Variants in EBF4 observed in about 807,000 individuals in gnomAD.
EBF4 encodes EBF transcription factor 4, also known as transcription factor COE4.
Under a neutral mutation model 67.1 loss-of-function variants are expected in EBF4, and 34 were observed. That is an observed-to-expected ratio of 0.51 (90% CI 0.39 to 0.67). The LOEUF (loss-of-function observed/expected upper bound fraction) is 0.67. Ranked by LOEUF, EBF4 falls within the 30% of genes least tolerant of loss-of-function variation. The pLI is 0.00. For synonymous variants in EBF4, 387 were observed against 377.7 expected (o/e 1.02, Z -0.29); for missense variants, 837 against 873.3 (o/e 0.96, Z 0.52).
chr20:2,711,105 G>C (rs1432045555), intron 6 of EBF4, among the ~76,000 whole-genome samples: 1 of 151,582 alleles, frequency 6.6e-6, no homozygotes, highest in African/African-American at 2.4e-5. Flanking sequence ...CTGTGATTGT[G>C]CCACTGCACT....
At chr20:2,740,757 G>T (rs539383647) in intron 6 of EBF4, among the ~76,000 whole-genome samples, 203 of 152,270 alleles carry the variant, frequency 1.3e-3, no homozygotes, top group African/African-American at 4.5e-3. Flanking sequence ...TAACAAGGAG[G>T]TGGTCTCGGT....
At chr20:2,706,116 C>T (rs1236268458) in intron 3 of EBF4, 79 bp downstream of exon 3, 2 of 1,548,208 alleles carry the variant, frequency 1.3e-6, no homozygotes, top group Non-Finnish European at 8.7e-7. Flanking sequence ...CTAATGCCCC[C>T]TGTGCCAGGG....
chr20:2,706,101 G>A (rs1341088803), intron 3 of EBF4, 64 bp downstream of exon 3: 9 of 1,547,722 alleles, frequency 5.8e-6, no homozygotes, highest in South Asian at 2.4e-5. Context: ...AGCATCATGC[G>A]ACACCTAATG....
At chr20:2,720,425 T>G (rs1027007349) in intron 6 of EBF4, among the ~76,000 whole-genome samples, 33 of 152,132 alleles carry the variant, frequency 2.2e-4, no homozygotes, top group African/African-American at 5.5e-4. Flanking sequence ...TTTTTCTTCA[T>G]TTTTTTTCCC....
chr20:2,749,599 G>A (rs1302310583), intron 8 of EBF4, 21 bp from the exon 9 acceptor site: 1 of 1,551,214 alleles, frequency 6.4e-7, no homozygotes, highest in East Asian at 2.4e-5. Flanking sequence ...CCCCTGACCT[G>A]GGTCCTCTCC....
At chr20:2,717,492 A>G (rs138589531) in intron 6 of EBF4, among the ~76,000 whole-genome samples, 2,884 of 152,338 alleles carry the variant, frequency 0.019, 93 homozygotes, top group African/African-American at 0.065. Context: ...CACTGAAGAG[A>G]TGAAGAAATG....
intron 10 of EBF4, among the ~76,000 whole-genome samples, chr20:2,750,794 T>C (rs1316647036): frequency 6.6e-6 from 1 of 152,136 alleles, no homozygotes; most frequent in Non-Finnish European, 1.5e-5. Context: ...AGGGAGTGCC[T>C]GCTGAGCCCG....
In EBF4 at chr20:2,755,538, A is replaced by C; in HGVS notation, c.1541-89A>C. 1 of 715,048 alleles carries C rather than the reference A, an allele frequency of 1.4e-6. No individual in the cohort carries two copies. The highest frequency in any genetic ancestry group is 2.4e-6 in the Non-Finnish European group (1 of 410,532). 44.3% of individuals were successfully genotyped at this position (715,048 alleles called of 1,614,324 possible). A position where few individuals can be genotyped will look rare whatever the true frequency, so the allele number is the denominator to read the frequency against. On this transcript the variant is annotated intron_variant, in intron 14 of 16. Coordinates refer to ENST00000609451, the Ensembl canonical transcript of EBF4. The surrounding 1 kb of genome is among the most constrained non-coding windows in gnomAD (Gnocchi z 4.7). ...GTGTCAGCAGCCCATGTGGGGCCCC[A>C]GCCAAGCTGCTCACTCTGGTGCTGT...
intron 6 of EBF4, among the ~76,000 whole-genome samples, chr20:2,744,679 A>G (rs2088023689): frequency 6.6e-6 from 1 of 151,586 alleles, no homozygotes; most frequent in East Asian, 1.9e-4. Flanking sequence ...TTTAATAGAG[A>G]TGGAGTTTCG....
At chr20:2,719,835 G>T (rs1478572362) in intron 6 of EBF4, among the ~76,000 whole-genome samples, 1 of 152,110 alleles carries the variant, frequency 6.6e-6, no homozygotes, top group Non-Finnish European at 1.5e-5. Context: ...TAAATATTTT[G>T]CCTGCGCTTG....
chr20:2,724,215 CAG>C lies in EBF4; in HGVS notation c.557+14576_557+14577del, dbSNP rs770730052. Among the ~76,000 whole-genome samples the C allele has an allele frequency of 1.6e-4, 24 of 152,328 alleles. No individual in the cohort carries two copies. The South Asian group carries it at 4.8e-3, about 30-fold the overall frequency. ...CATGGAAATCAACAACACTATAAAT[CAG>C]AGTTTTGCACCCTGAAAATTTGGAA... On this transcript the variant is annotated intron_variant, in intron 6 of 16. Coordinates refer to ENST00000609451, the Ensembl canonical transcript of EBF4.
chr20:2,751,978 C>T lies in EBF4; in HGVS notation c.1164C>T (p.Gly388=), dbSNP rs750899847. Residue 388 remains glycine, a synonymous_variant, in exon 12 of 17, where the codon GGC becomes GGT. Coordinates refer to ENST00000609451, the Ensembl canonical transcript of EBF4. This position sits in a 1 kb window ranked among gnomAD's most constrained non-coding sequence, Gnocchi z 5.2. ...CAGAAGCCCTGTACGGAGTGCCCGG[C>T]AGTAACCAGGTATGGCGCCTCCGCC... 9.3e-5 allele frequency: 144 copies of T among 1,548,272 alleles called. 1 individual carries two copies. The East Asian group carries it at 2.8e-3, about 30-fold the overall frequency.
In EBF4 at chr20:2,706,247, G is replaced by A. The variant is rs2087456647; in HGVS notation, c.397G>A (p.Asp133Asn). Reference sequence around the variant, plus strand: ...GCAAGACCTCTACGTGCGTCTCATCGACTCCATGTCCAAACAGGTGAGTCA... The same window carrying A: ...GCAAGACCTCTACGTGCGTCTCATCAACTCCATGTCCAAACAGGTGAGTCA... Residue 133 changes from aspartate (D) to asparagine (N), a missense_variant, in exon 4 of 17, where the codon GAC (aspartate) becomes AAC (asparagine). Asp to Asn is a conservative substitution (Grantham distance 23). Around this residue, in one of 3 missense-constraint regions of EBF4, gnomAD observed 226 missense variants for 306.5 expected, o/e 0.74. Coordinates refer to ENST00000609451, the Ensembl canonical transcript of EBF4. 15 of 1,552,106 alleles carry A rather than the reference G, an allele frequency of 9.7e-6. No individual in the cohort carries two copies. Among genetic ancestry groups the A allele is most frequent in the Middle Eastern group, 1.7e-4 (1 of 5,996 alleles).
At chr20:2,715,213 T>TA (rs1194151996) in intron 6 of EBF4, among the ~76,000 whole-genome samples, 2 of 152,098 alleles carry the variant, frequency 1.3e-5, no homozygotes, top group Admixed American at 6.5e-5. Flanking sequence ...TGCATAATCC[T>TA]AAAAAAAGTG....
chr20:2,709,816 G>T (rs934563957), intron 6 of EBF4, among the ~76,000 whole-genome samples, 174 bp downstream of exon 6: 1 of 152,068 alleles, frequency 6.6e-6, no homozygotes, highest in Non-Finnish European at 1.5e-5. Context: ...GCCTCCAGCC[G>T]TGGCCCCTGA....
In EBF4 at chr20:2,693,846, TTGCTGGAGC is replaced by T; in HGVS notation, c.137+74_137+82del. 8.0e-7 allele frequency: 1 copy of T among 1,254,094 alleles called. No homozygotes were observed. Among genetic ancestry groups the T allele is most frequent in the Non-Finnish European group, 1.0e-6 (1 of 998,822 alleles). 77.7% of individuals were successfully genotyped at this position (1,254,094 alleles called of 1,614,324 possible). ...CGGCTGCGCGCCGCCTCAGCTCAGC[TTGCTGGAGC>T]TGCTGGAGCCAGGGGCGGAAGGAGC... On this transcript the variant is annotated intron_variant, in intron 1 of 16. Coordinates refer to ENST00000609451, the Ensembl canonical transcript of EBF4. The surrounding 1 kb of genome is among the most constrained non-coding windows in gnomAD (Gnocchi z 4.6).
chr20:2,737,196 G>A (rs1389007651), intron 6 of EBF4, among the ~76,000 whole-genome samples: 2 of 149,808 alleles, frequency 1.3e-5, no homozygotes, highest in Non-Finnish European at 3.0e-5. Flanking sequence ...CTTGCAGTGA[G>A]CCGAGATCGC....
intron 6 of EBF4, among the ~76,000 whole-genome samples, chr20:2,724,718 A>G (rs1174220808): frequency 6.6e-6 from 1 of 152,122 alleles, no homozygotes; most frequent in African/African-American, 2.4e-5. Flanking sequence ...CAGCCTGTGC[A>G]ACATAGTGAG....
At chr20:2,706,765 G>A (rs62205613) in intron 4 of EBF4, among the ~76,000 whole-genome samples, 96 of 152,226 alleles carry the variant, frequency 6.3e-4, no homozygotes, top group Non-Finnish European at 1.2e-3. Context: ...TCCACTGAGA[G>A]CAGTTCTCAG....
Sources: allele counts gnomAD v4.1 joint callset (sites outside exome capture counted in the v4.1 genomes callset), GRCh38; gene constraint gnomAD v4.1.1; regional missense constraint gnomAD v4.1.1; non-coding constraint Gnocchi (gnomAD v3.1); transcripts MANE v1.5; gene names NCBI Gene and HGNC (gene_info 2026-07-23, HGNC 2026-07-21).